NEBL: variants seen among roughly 807,000 people sequenced by gnomAD.
NEBL encodes the protein LIM and SH3 protein 2.
In NEBL, 122 loss-of-function variants were observed where a neutral mutation model predicts 140.2. The observed-to-expected ratio is 0.87, with a 90% CI of 0.75 to 1.01. The LOEUF (loss-of-function observed/expected upper bound fraction) is 1.01. Among genes scored for constraint, NEBL ranks in the 50% least tolerant of loss-of-function variants. The probability of loss-of-function intolerance (pLI) is 0.00; values close to 1 mark genes in which losing one functional copy is unlikely to be tolerated. For synonymous variants in NEBL, 436 were observed against 398.9 expected (o/e 1.09, Z -1.11); for missense variants, 1,365 against 1,231.3 (o/e 1.11, Z -1.62).
chr10:20,914,034 C>A (rs1301160989), intron 4 of NEBL, among the ~76,000 whole-genome samples: 1 of 152,166 alleles, frequency 6.6e-6, no homozygotes, highest in Non-Finnish European at 1.5e-5. Flanking sequence ...CAGGTTCAAC[C>A]TCCTCTGCAC....
chr10:21,224,118 G>A (rs1207462636), intron 3 of NEBL, among the ~76,000 whole-genome samples: 1 of 152,140 alleles, frequency 6.6e-6, no homozygotes, highest in Non-Finnish European at 1.5e-5. Flanking sequence ...TTTCTCCAAT[G>A]TTTTCGTTTA....
intron 3 of NEBL, among the ~76,000 whole-genome samples, chr10:21,231,580 G>T (rs1021739284): frequency 6.6e-6 from 1 of 151,846 alleles, no homozygotes; most frequent in Middle Eastern, 3.2e-3. Context: ...AAGAAAAGAG[G>T]ATAATGAGAC....
intron 3 of NEBL, among the ~76,000 whole-genome samples, chr10:21,004,448 C>T (rs751829260): frequency 4.6e-5 from 7 of 152,122 alleles, no homozygotes; most frequent in African/African-American, 7.2e-5. Context: ...GGGCCGGGCA[C>T]GGTGGCTCAC....
intron 2 of NEBL, chr10:21,146,401 T>C (rs1373100483): frequency 1.2e-6 from 2 of 1,606,428 alleles, no homozygotes; most frequent in Admixed American, 1.7e-5. Context: ...GGTTGATTAG[T>C]AAAGCACAAA....
intron 2 of NEBL, among the ~76,000 whole-genome samples, chr10:20,895,877 G>C (rs1316354376): frequency 1.3e-5 from 2 of 152,260 alleles, no homozygotes; most frequent in Middle Eastern, 3.4e-3. Flanking sequence ...CAATGTTCCA[G>C]ATAGTTTATT....
intron 3 of NEBL, among the ~76,000 whole-genome samples, chr10:21,188,853 G>A (rs1389002781): frequency 6.6e-6 from 1 of 152,040 alleles, no homozygotes; most frequent in Non-Finnish European, 1.5e-5. Context: ...GCCTCCCAAA[G>A]TGCTGGGATT....
upstream of NEBL, among the ~76,000 whole-genome samples, chr10:20,898,975 T>A (rs557900830): frequency 5.3e-5 from 8 of 152,318 alleles, no homozygotes; most frequent in South Asian, 1.7e-3. Flanking sequence ...TCACATATCC[T>A]GTTCACCAAC....
chr10:21,015,998 G>A (rs1474406663), intron 3 of NEBL, among the ~76,000 whole-genome samples: 1 of 152,216 alleles, frequency 6.6e-6, no homozygotes, highest in Non-Finnish European at 1.5e-5. Flanking sequence ...TGCCCCCGCA[G>A]GTGAACTATA....
intron 2 of NEBL, among the ~76,000 whole-genome samples, chr10:21,086,487 T>C (rs1192185485): frequency 6.6e-6 from 1 of 152,138 alleles, no homozygotes; most frequent in Non-Finnish European, 1.5e-5. Context: ...AAATTAGAAA[T>C]CAGTGTCTAG....
intron 2 of NEBL, among the ~76,000 whole-genome samples, chr10:20,893,283 T>C (rs1360102985): frequency 2.0e-5 from 3 of 152,186 alleles, no homozygotes; most frequent in Admixed American, 1.3e-4. Flanking sequence ...AGGTTTAACT[T>C]ATTCAAGGGA....
intron 2 of NEBL, among the ~76,000 whole-genome samples, chr10:21,131,213 GC>G (rs1270994438): frequency 6.6e-6 from 1 of 152,248 alleles, no homozygotes; most frequent in East Asian, 1.9e-4. Context: ...ATCTGAAGAA[GC>G]CCATATCTGT....
intron 3 of NEBL, among the ~76,000 whole-genome samples, chr10:20,999,110 C>A (rs1837781399): frequency 6.6e-6 from 1 of 151,612 alleles, no homozygotes; most frequent in Non-Finnish European, 1.5e-5. Flanking sequence ...ATTTCCAAAT[C>A]CTTGGCTTTT....
intron 2 of NEBL, among the ~76,000 whole-genome samples, chr10:21,045,100 C>T (rs1564491435): frequency 6.6e-6 from 1 of 152,102 alleles, no homozygotes; most frequent in Non-Finnish European, 1.5e-5. Flanking sequence ...TCATGGGCCT[C>T]CATAAATTGT....
intron 26 of NEBL, among the ~76,000 whole-genome samples, chr10:20,800,778 G>T (rs1837045980): frequency 6.6e-6 from 1 of 151,886 alleles, no homozygotes; most frequent in African/African-American, 2.4e-5. Flanking sequence ...CACTGAGAAG[G>T]TCTCTTGATG....
At chr10:21,092,992 C>A (rs11012522) in intron 2 of NEBL, among the ~76,000 whole-genome samples, 1 of 152,094 alleles carries the variant, frequency 6.6e-6, no homozygotes, top group African/African-American at 2.4e-5. Flanking sequence ...TATATTTTCT[C>A]TGATGTGGGA....
intron 4 of NEBL, among the ~76,000 whole-genome samples, chr10:20,921,260 G>C (rs146308690): frequency 6.6e-6 from 1 of 151,822 alleles, no homozygotes; most frequent in East Asian, 1.9e-4. Context: ...ACACACACAC[G>C]CACCTACCTG....
At chr10:21,044,694 C>A (rs1834434001) in intron 2 of NEBL, among the ~76,000 whole-genome samples, 1 of 152,176 alleles carries the variant, frequency 6.6e-6, no homozygotes, top group Non-Finnish European at 1.5e-5. Context: ...AAATGGTCAA[C>A]ATCTATGTAC....
In NEBL at chr10:21,063,148, C is replaced by T. The variant is rs735680; in HGVS notation, c.165-42947G>A. ...CATTGCTCAGAGGACTGAAAACACA[C>T]ACAGCAAGACCCCTGGCACTTAAAT... On this transcript the variant is annotated intron_variant, in intron 2 of 6. Coordinates refer to the NEBL transcript ENST00000417816. Among the ~76,000 whole-genome samples, 1,025 of 152,256 alleles carry T rather than the reference C, an allele frequency of 6.7e-3. 12 individuals carry two copies. The highest frequency in any genetic ancestry group is 0.024 in the African/African-American group (982 of 41,544).
intron 24 of NEBL, 51 bp downstream of exon 24, chr10:20,812,718 A>C: frequency 1.9e-6 from 3 of 1,605,008 alleles, no homozygotes; most frequent in Non-Finnish European, 1.7e-6. Context: ...AGCTAGAGCA[A>C]GCATGATCTT....
Sources: gnomAD v4.1 joint callset for allele counts (sites outside exome capture counted in the v4.1 genomes callset) on GRCh38, gnomAD v4.1.1 for gene constraint, MANE v1.5 for transcripts, NCBI Gene and HGNC (gene_info 2026-07-23, HGNC 2026-07-21) for gene names.